Variants in ANO10 observed in about 807,000 individuals in gnomAD.
ANO10 encodes anoctamin 10.
ANO10 carries 77 observed loss-of-function variants against 74.7 expected under a neutral mutation model. The observed-to-expected ratio is 1.03, with a 90% CI of 0.86 to 1.25. ANO10 has a LOEUF of 1.25. ANO10 is among the 50% of genes most tolerant of loss of function. ANO10 has a pLI of 0.00. For synonymous variants in ANO10, 279 were observed against 284.9 expected (o/e 0.98, Z 0.21); for missense variants, 721 against 778.1 (o/e 0.93, Z 0.87).
rs559409212 is a variant in ANO10, at chr3:43,423,650, A to T, written c.1914+8961T>A. ...TAGGAGTGCTTGGGAATCTTGCTAG[A>T]CCCAAAAGGTGCAAAGGAGCCAGTA... On this transcript the variant is annotated intron_variant, in intron 12 of 12. Coordinates refer to ENST00000292246, the MANE Select transcript of ANO10 (RefSeq NM_018075.5). Among the ~76,000 whole-genome samples, 3 of 152,290 alleles carry T rather than the reference A, an allele frequency of 2.0e-5. No individual in the cohort carries two copies. In the South Asian group the frequency reaches 6.2e-4, roughly 32 times the overall value.
intron 11 of ANO10, among the ~76,000 whole-genome samples, chr3:43,433,928 G>A (rs2093029060): frequency 6.6e-6 from 1 of 152,154 alleles, no homozygotes; most frequent in African/African-American, 2.4e-5. Flanking sequence ...GAGAGAGATG[G>A]AACAGCCTTT....
intron 12 of ANO10, among the ~76,000 whole-genome samples, chr3:43,385,461 A>G (rs2092088250): frequency 6.6e-6 from 1 of 152,232 alleles, no homozygotes; most frequent in African/African-American, 2.4e-5. Flanking sequence ...TTGTAAATGC[A>G]TGTTTATAGC....
chr3:43,448,977 T>C (rs1293574699), intron 11 of ANO10, among the ~76,000 whole-genome samples: 2 of 151,658 alleles, frequency 1.3e-5, no homozygotes, highest in Non-Finnish European at 2.9e-5. Flanking sequence ...GTTCAAGTGA[T>C]TCTCCTGCCT....
At chr3:43,385,137 T>A (rs1046754330) in intron 12 of ANO10, among the ~76,000 whole-genome samples, 1 of 152,156 alleles carries the variant, frequency 6.6e-6, no homozygotes, top group Non-Finnish European at 1.5e-5. Flanking sequence ...CAAAATAAGA[T>A]GTACAAATGG....
At chr3:43,543,455 T>C (rs1451409628) in intron 11 of ANO10, among the ~76,000 whole-genome samples, 1 of 152,230 alleles carries the variant, frequency 6.6e-6, no homozygotes, top group African/African-American at 2.4e-5. Flanking sequence ...AGTGGCCGGA[T>C]CTCAGCTCAC....
At chr3:43,396,107 G>A (rs2092376035) in intron 12 of ANO10, among the ~76,000 whole-genome samples, 1 of 150,796 alleles carries the variant, frequency 6.6e-6, no homozygotes, top group Admixed American at 6.6e-5. Flanking sequence ...GCGCTGGCCA[G>A]AACATTCGGC....
At chr3:43,421,790 A>T (rs2092823381) in intron 12 of ANO10, among the ~76,000 whole-genome samples, 2 of 151,994 alleles carry the variant, frequency 1.3e-5, no homozygotes. Flanking sequence ...GTGAGCTGTG[A>T]TCGTGCCACT....
At chr3:43,479,212 C>T (rs2076179258) in intron 11 of ANO10, among the ~76,000 whole-genome samples, 1 of 152,168 alleles carries the variant, frequency 6.6e-6, no homozygotes, top group African/African-American at 2.4e-5. Context: ...AGCATTAAGG[C>T]CTAATTGTAT....
Position 43,600,482 on chromosome 3 carries a change from A to G in ANO10, c.239T>C (p.Leu80Ser). The stretch of plus-strand genomic sequence containing the variant: ...CAATCCCACTGCTTCTGCCCCTAGT[A>G]ACATTCTAATCTTGGAGGCACCAAC... ...YLVGASKIRM[L>S]LGAEAVGLVK... The change falls in exon 3 of 13, where the codon TTA becomes TCA. Residue 80 changes from leucine to serine, a missense_variant. Coordinates refer to ENST00000292246, the MANE Select transcript of ANO10 (RefSeq NM_018075.5). 6.2e-7 allele frequency: 1 copy of G among 1,614,156 alleles called. No individual in the cohort carries two copies. Among genetic ancestry groups the G allele is most frequent in the Non-Finnish European group, 8.5e-7 (1 of 1,180,020 alleles).
chr3:43,683,660 T>G (rs186865458), intron 1 of ANO10, among the ~76,000 whole-genome samples: 5 of 152,314 alleles, frequency 3.3e-5, no homozygotes, highest in Admixed American at 3.3e-4. Flanking sequence ...GGAGGCATCA[T>G]GCTACCTGAC....
At chr3:43,670,469 T>C (rs1211782492) in intron 1 of ANO10, among the ~76,000 whole-genome samples, 1 of 152,200 alleles carries the variant, frequency 6.6e-6, no homozygotes, top group Non-Finnish European at 1.5e-5. Context: ...AATGTTTATA[T>C]GACTAGGATG....
chr3:43,450,265 GCA>G (rs1231432000), intron 11 of ANO10, among the ~76,000 whole-genome samples: 2 of 152,132 alleles, frequency 1.3e-5, no homozygotes, highest in Non-Finnish European at 2.9e-5. Context: ...TATCAGCCAG[GCA>G]CAGTGGCTCA....
chr3:43,504,300 G>GTAGATAGACAGA (rs753469115), intron 11 of ANO10, among the ~76,000 whole-genome samples: 257 of 139,822 alleles, frequency 1.8e-3, no homozygotes, highest in African/African-American at 6.5e-3. Context: ...AGGTAGGTAG[G>GTAGATAGACAGA]TAGATAGATA....
Position 43,366,775 on chromosome 3 carries a change from A to T in ANO10, c.*131T>A. On this transcript the variant is annotated 3_prime_UTR_variant, in exon 13 of 13. Transcript: ENST00000292246. ...GAAGGGTGCTTGCCACATGGGAGCC[A>T]CTTCGTTTGGCTAAGCATTGGGTCT... The T allele has an allele frequency of 1.1e-6, 1 of 931,668 alleles. No homozygotes were observed. The highest frequency in any genetic ancestry group is 1.7e-6 in the Non-Finnish European group (1 of 591,444). 57.7% of individuals were successfully genotyped at this position (931,668 alleles called of 1,614,324 possible). A position where few individuals can be genotyped will look rare whatever the true frequency, so the allele number is the denominator to read the frequency against.
At chr3:43,541,306 C>T (rs1312540563) in intron 11 of ANO10, among the ~76,000 whole-genome samples, 1 of 152,164 alleles carries the variant, frequency 6.6e-6, no homozygotes, top group Non-Finnish European at 1.5e-5. Flanking sequence ...AAACTAAACA[C>T]TTAATCTTGC....
chr3:43,617,808 T>C (rs2083192999), intron 1 of ANO10, among the ~76,000 whole-genome samples: 1 of 152,172 alleles, frequency 6.6e-6, no homozygotes, highest in African/African-American at 2.4e-5. Flanking sequence ...GGAATCACCT[T>C]ATTCCAGATT....
At chr3:43,557,428 T>A (rs2079804130) in intron 9 of ANO10, among the ~76,000 whole-genome samples, 1 of 152,144 alleles carries the variant, frequency 6.6e-6, no homozygotes, top group Admixed American at 6.5e-5. Flanking sequence ...TTAAAAATTA[T>A]TGAGGACATT....
chr3:43,401,482 T>C (rs1300614731), intron 12 of ANO10, among the ~76,000 whole-genome samples: 1 of 152,236 alleles, frequency 6.6e-6, no homozygotes. Flanking sequence ...CTTCTACTTA[T>C]GCTTAGATTC....
intron 2 of ANO10, among the ~76,000 whole-genome samples, chr3:43,604,363 T>G (rs574327972): frequency 6.6e-6 from 1 of 152,284 alleles, no homozygotes; most frequent in African/African-American, 2.4e-5. Flanking sequence ...TGAGTCATTG[T>G]GGGTATTGTG....
Sources: allele counts gnomAD v4.1 joint callset (sites outside exome capture counted in the v4.1 genomes callset), GRCh38; gene constraint gnomAD v4.1.1; transcripts MANE v1.5; gene names NCBI Gene and HGNC (gene_info 2026-07-23, HGNC 2026-07-21).